ZNF155: variants seen among roughly 807,000 people sequenced by gnomAD.
ZNF155 encodes zinc finger protein 155.
In ZNF155, 15 loss-of-function variants were observed where a neutral mutation model predicts 11.9. That is an observed-to-expected ratio of 1.26 (90% confidence interval 0.84 to 1.94). The LOEUF is 1.94. ZNF155 is among the 30% of genes most tolerant of loss of function. The pLI, the probability that ZNF155 is intolerant of heterozygous loss-of-function variation, is 0.00. For synonymous variants in ZNF155, 212 were observed against 219.9 expected, an observed-to-expected ratio of 0.96 and a Z score of 0.32; for missense variants, 602 against 639.1, an observed-to-expected ratio of 0.94 and a Z score of 0.63.
chr19:43,996,351 T>C lies in ZNF155; in HGVS notation c.494T>C (p.Leu165Pro). ...QSISDVPIFD[L>P]PQQLYSEEKS... ...ATCAGTGATGTTCCCATCTTTGATC[T>C]TCCTCAGCAGTTATACTCAGAAGAG... The change falls in exon 5 of 5, where the codon CTT (leucine) becomes CCT (proline). Residue 165 changes from leucine to proline, a missense_variant. Coordinates refer to ENST00000270014, the MANE Select transcript of ZNF155 (RefSeq NM_198089.3). 6.2e-7 allele frequency: 1 copy of C among 1,614,244 alleles called. No individual in the cohort carries two copies. Among genetic ancestry groups the C allele is most frequent in the Non-Finnish European group, 8.5e-7 (1 of 1,180,036 alleles).
intron 1 of ZNF155, among the ~76,000 whole-genome samples, chr19:43,987,977 C>T (rs1452296771): frequency 6.6e-6 from 1 of 152,122 alleles, no homozygotes; most frequent in Non-Finnish European, 1.5e-5. Flanking sequence ...ACTTCTTGTG[C>T]CCACTTACAG....
rs1462632292 is a variant in ZNF155, at chr19:43,997,504, AT to A, written c.*34del. On this transcript the variant is annotated 3_prime_UTR_variant, in exon 5 of 5. Transcript: ENST00000270014. ...TCATATTTATGGGGTACAACGTGCT[AT>A]TTTAATGTGTGCATACAATTTATAG... The A allele has an allele frequency of 6.6e-7, 1 of 1,523,224 alleles. No individual in the cohort carries two copies. Among genetic ancestry groups the A allele is most frequent in the Non-Finnish European group, 8.8e-7 (1 of 1,129,944 alleles). The allele number at this position is 1,523,224 out of a possible 1,614,324, so 94.4% of individuals were successfully genotyped here. A position where few individuals can be genotyped will look rare whatever the true frequency, so the allele number is the denominator to read the frequency against.
chr19:43,985,688 C>A (rs961171596), intron 1 of ZNF155, among the ~76,000 whole-genome samples: 1 of 151,824 alleles, frequency 6.6e-6, no homozygotes, highest in Non-Finnish European at 1.5e-5. Context: ...ATTACAGGTG[C>A]GCACCACCAC....
In ZNF155 at chr19:43,997,766, A is replaced by G; in HGVS notation, c.*292A>G. The G allele has an allele frequency of 3.2e-6, 1 of 311,394 alleles. No homozygotes were observed. The highest frequency in any genetic ancestry group is 5.1e-5 in the South Asian group (1 of 19,644). The allele number at this position is 311,394 out of a possible 1,614,324, so 19.3% of individuals were successfully genotyped here. A position where few individuals can be genotyped will look rare whatever the true frequency, so the allele number is the denominator to read the frequency against. On this transcript the variant is annotated 3_prime_UTR_variant, in exon 5 of 5. Coordinates refer to ENST00000270014, the MANE Select transcript of ZNF155 (RefSeq NM_198089.3). ...CTAGCACAGGGGATTGTGCCTGGAG[A>G]CATGCCCATGGCTGCACAGATAGAA...
intron 2 of ZNF155, chr19:43,990,028 C>G: frequency 1.3e-6 from 2 of 1,482,164 alleles, no homozygotes; most frequent in Non-Finnish European, 1.8e-6. Flanking sequence ...AATCAGATTA[C>G]CAAGACTGTG....
In ZNF155 at chr19:43,997,429, C is replaced by T. The variant is rs977480346; in HGVS notation, c.1572C>T (p.Arg524=). The stretch of plus-strand genomic sequence containing the variant: ...ATTGTGGGAGACGCTACAAGAGGCG[C>T]TTGAATCTGGATATACTTTTATCAT... ...CEDCGRRYKR[R]LNLDILLSLF... The change falls in exon 5 of 5, where the codon CGC becomes CGT. Residue 524 remains arginine (R), a synonymous_variant. Transcript: ENST00000270014. 1.9e-6 allele frequency: 3 copies of T among 1,605,548 alleles called. No homozygotes were observed. Among genetic ancestry groups the T allele is most frequent in the Non-Finnish European group, 2.5e-6 (3 of 1,177,946 alleles).
intron 1 of ZNF155, among the ~76,000 whole-genome samples, chr19:43,985,533 CTT>C (rs752604890): frequency 1.1e-3 from 104 of 97,860 alleles, no homozygotes; most frequent in African/African-American, 3.3e-3. Flanking sequence ...TGCTCTTTTT[CTT>C]TTTTTTTTTT....
At position 43,991,655 on chromosome 19, in the gene ZNF155, C is replaced by T. The variant is rs1416717311; in HGVS notation, c.123C>T (p.Phe41=). 1.2e-6 allele frequency: 2 copies of T among 1,613,986 alleles called. 1 individual carries two copies. Among genetic ancestry groups the T allele is most frequent in the Non-Finnish European group, 1.7e-6 (2 of 1,180,026 alleles). ...ACCGAGATGTGATGCTGGAGAACTTCAGGAACCTGCTCTCAGTGGGTGAGC... is the reference window on the plus strand; with the variant it reads ...ACCGAGATGTGATGCTGGAGAACTTTAGGAACCTGCTCTCAGTGGGTGAGC... ...KLYRDVMLEN[F]RNLLSVGHQP... Residue 41 remains phenylalanine, a synonymous_variant, in exon 3 of 5, where the codon TTC becomes TTT. Coordinates refer to ENST00000270014, the MANE Select transcript of ZNF155 (RefSeq NM_198089.3).
chr19:43,996,299 T>C lies in ZNF155; in HGVS notation c.442T>C (p.Ser148Pro). Residue 148 changes from serine (S) to proline (P), a missense_variant, in exon 5 of 5, where the codon TCC becomes CCC. Physicochemically the swap from Ser to Pro is moderately conservative, Grantham distance 74. Coordinates refer to ENST00000270014, the MANE Select transcript of ZNF155 (RefSeq NM_198089.3). ...LPTIHTGQKPSQGGKCKQSIS... is the reference protein window; with the variant it reads ...LPTIHTGQKPPQGGKCKQSIS... ...CACAATTCATACAGGACAGAAACCT[T>C]CCCAGGGTGGGAAGTGTAAACAGTC... 3 of 1,614,170 alleles carry C rather than the reference T, an allele frequency of 1.9e-6. No homozygotes were observed. The highest frequency in any genetic ancestry group is 2.5e-6 in the Non-Finnish European group (3 of 1,180,000).
At chr19:43,992,040 C>T (rs1167830919) in intron 4 of ZNF155, 106 bp downstream of exon 4, 1 of 1,042,544 alleles carries the variant, frequency 9.6e-7, no homozygotes, top group African/African-American at 1.6e-5. Context: ...CATCTCCTTC[C>T]TGGATTATTA....
At position 43,998,271 on chromosome 19, in the gene ZNF155, A is replaced by G. The variant is rs146596358; in HGVS notation, c.*797A>G. ...TACTGGGCAACTTATTTGGATCCCCATCTCCACTGTGGAGAGCTTTTTTCT... is the reference window on the plus strand; with the variant it reads ...TACTGGGCAACTTATTTGGATCCCCGTCTCCACTGTGGAGAGCTTTTTTCT... On this transcript the variant is annotated 3_prime_UTR_variant, in exon 5 of 5. Transcript: ENST00000270014. The G allele has an allele frequency of 6.6e-5, 10 of 152,168 alleles. No individual in the cohort carries two copies. The highest frequency in any genetic ancestry group is 8.8e-5 in the Non-Finnish European group (6 of 67,984). 9.4% of individuals were successfully genotyped at this position (152,168 alleles called of 1,614,324 possible).
At chr19:43,986,480 C>T (rs1267938863) in intron 1 of ZNF155, among the ~76,000 whole-genome samples, 2 of 141,946 alleles carry the variant, frequency 1.4e-5, no homozygotes, top group Non-Finnish European at 3.0e-5. Flanking sequence ...GACGGAGTCT[C>T]GCTCTGTCAC....
intron 1 of ZNF155, among the ~76,000 whole-genome samples, chr19:43,987,777 A>G (rs1021543935): frequency 1.3e-5 from 2 of 152,220 alleles, no homozygotes; most frequent in African/African-American, 4.8e-5. Flanking sequence ...TTCTATCAGT[A>G]TGGACTCAGT....
intron 1 of ZNF155, among the ~76,000 whole-genome samples, chr19:43,985,539 T>TC (rs1555760001): frequency 8.1e-6 from 1 of 122,712 alleles, no homozygotes; most frequent in South Asian, 2.7e-4. Flanking sequence ...TTTTCTTTTT[T>TC]TTTTTTTTTT....
rs766667351 is a variant in ZNF155, at chr19:43,997,481, A to G, written c.*7A>G. 8 of 1,580,896 alleles carry G rather than the reference A, an allele frequency of 5.1e-6. No homozygotes were observed. The highest frequency in any genetic ancestry group is 2.2e-5 in the East Asian group (1 of 44,708). On this transcript the variant is annotated 3_prime_UTR_variant, in exon 5 of 5. Coordinates refer to ENST00000270014, the MANE Select transcript of ZNF155 (RefSeq NM_198089.3). ...ATTTCTAAATGACACATAATTGTTC[A>G]TATTTATGGGGTACAACGTGCTATT...
intron 2 of ZNF155, among the ~76,000 whole-genome samples, chr19:43,990,903 C>T (rs1479052285): frequency 2.6e-5 from 4 of 152,124 alleles, no homozygotes; most frequent in African/African-American, 9.7e-5. Flanking sequence ...CCCATTTCCA[C>T]CAGAGCAGAG....
chr19:43,995,431 C>T (rs1975813113), intron 4 of ZNF155, among the ~76,000 whole-genome samples: 1 of 128,610 alleles, frequency 7.8e-6, no homozygotes, highest in Non-Finnish European at 1.6e-5. Flanking sequence ...TTTTTTGAGA[C>T]AGGGTCTCGC....
rs62640892 is a variant in ZNF155, at chr19:43,997,210, G to A, written c.1353G>A (p.Thr451=). ...FNLDLHQRVH[T]GERPYNCKEC... is the part of the protein sequence containing the mutation. Reference sequence around the variant, plus strand: ...TTGACTTGCACCAGAGGGTCCACACGGGAGAGAGACCTTATAATTGTAAGG... The same window carrying A: ...TTGACTTGCACCAGAGGGTCCACACAGGAGAGAGACCTTATAATTGTAAGG... The change falls in exon 5 of 5, where the codon ACG becomes ACA. Residue 451 remains threonine (T), a synonymous_variant. Coordinates refer to ENST00000270014, the MANE Select transcript of ZNF155 (RefSeq NM_198089.3). 9 of 1,613,932 alleles carry A rather than the reference G, an allele frequency of 5.6e-6. No individual in the cohort carries two copies. The highest frequency in any genetic ancestry group is 5.5e-5 in the South Asian group (5 of 91,072).
intron 2 of ZNF155, 42 bp downstream of exon 2, chr19:43,988,600 A>G: frequency 6.3e-7 from 1 of 1,580,140 alleles, no homozygotes; most frequent in Non-Finnish European, 8.6e-7. Flanking sequence ...ATTCCATGTC[A>G]CTACTCATAT....
Sources: gnomAD v4.1 joint callset for allele counts (sites outside exome capture counted in the v4.1 genomes callset) on GRCh38, gnomAD v4.1.1 for gene constraint, MANE v1.5 for transcripts, NCBI Gene and HGNC (gene_info 2026-07-23, HGNC 2026-07-21) for gene names.